Variants in RBFOX1 observed in about 807,000 individuals in gnomAD.
RBFOX1 encodes RNA binding fox-1 homolog 1, also known as RNA binding protein fox-1 homolog 1.
Under a neutral mutation model 57.7 loss-of-function variants are expected in RBFOX1, and 8 were observed. The observed-to-expected ratio is 0.14, with a 90% CI of 0.08 to 0.25. RBFOX1 has a LOEUF of 0.25. Ranked by LOEUF, RBFOX1 falls within the 10% of genes least tolerant of loss-of-function variation. The probability of loss-of-function intolerance (pLI) is 1.00; values close to 1 mark genes in which losing one functional copy is unlikely to be tolerated. For missense variants in RBFOX1, 611 were observed against 548.5 expected, an observed-to-expected ratio of 1.11 and a Z score of -1.14; for synonymous variants, 326 against 222.4, an observed-to-expected ratio of 1.47 and a Z score of -4.15.
At chr16:7,607,387 G>T (rs1243901098) in intron 10 of RBFOX1, 49 bp downstream of exon 10, 2 of 1,518,720 alleles carry the variant, frequency 1.3e-6, no homozygotes, top group Middle Eastern at 1.7e-4. Flanking sequence ...TTCTAAATGT[G>T]CTTTGCCTGC....
chr16:7,314,658 G>A (rs1284046877), intron 4 of RBFOX1, among the ~76,000 whole-genome samples: 2 of 152,040 alleles, frequency 1.3e-5, no homozygotes, highest in African/African-American at 4.8e-5. Context: ...GTGAAAATGG[G>A]CTGACACTCT....
chr16:7,437,160 GTTTT>G (rs2098728612), intron 4 of RBFOX1, among the ~76,000 whole-genome samples: 1 of 151,786 alleles, frequency 6.6e-6, no homozygotes, highest in African/African-American at 2.4e-5. Flanking sequence ...CGTTTAATCT[GTTTT>G]ATGATACTGT....
intron 9 of RBFOX1, among the ~76,000 whole-genome samples, chr16:7,597,804 C>T (rs538522183): frequency 9.9e-5 from 15 of 152,272 alleles, no homozygotes; most frequent in Admixed American, 4.6e-4. Context: ...CTAATCATTC[C>T]TGGACGTGCA....
intron 1 of RBFOX1, 42 bp downstream of exon 1, chr16:6,020,034 C>T (rs1191871262): frequency 6.9e-7 from 1 of 1,446,934 alleles, no homozygotes; most frequent in Non-Finnish European, 9.2e-7. Flanking sequence ...CCACCCTGAC[C>T]TGGTGGGTCA....
intron 2 of RBFOX1, among the ~76,000 whole-genome samples, chr16:6,481,989 G>A (rs2095378444): frequency 6.6e-6 from 1 of 152,106 alleles, no homozygotes; most frequent in Non-Finnish European, 1.5e-5. Flanking sequence ...TAAGGAATTG[G>A]CATGTTAAAA....
At chr16:5,657,931 C>G (rs1318851338) in intron 3 of RBFOX1, among the ~76,000 whole-genome samples, 1 of 151,816 alleles carries the variant, frequency 6.6e-6, no homozygotes, top group African/African-American at 2.4e-5. Flanking sequence ...GAGGTTTCGC[C>G]ACCTTGGCCA....
In RBFOX1 at chr16:7,653,917, C is replaced by T. The variant is rs757092123; in HGVS notation, c.860C>T (p.Ala287Val). ...RTVYNTFRAA[A>V]PPPPIPAYGG... ...GTGTACAACACCTTCAGGGCCGCGG[C>T]GCCCCCGCCCCCGATCCCGGCCTAC... The change falls in exon 12 of 16, where the codon GCG (alanine) becomes GTG (valine). Residue 287 changes from alanine (A) to valine (V), a missense_variant. Around this residue, in one of 3 missense-constraint regions of RBFOX1, gnomAD observed 267 missense variants for 229.1 expected, o/e 1.17. Coordinates refer to ENST00000550418, the MANE Select transcript of RBFOX1 (RefSeq NM_018723.4). 1.1e-5 allele frequency: 17 copies of T among 1,562,100 alleles called. No individual in the cohort carries two copies. Among genetic ancestry groups the T allele is most frequent in the South Asian group, 5.8e-5 (5 of 86,422 alleles).
At chr16:7,227,262 C>G (rs1318452154) in intron 4 of RBFOX1, among the ~76,000 whole-genome samples, 1 of 150,146 alleles carries the variant, frequency 6.7e-6, no homozygotes, top group African/African-American at 2.4e-5. Flanking sequence ...TCTGTTCTCA[C>G]TGTCACATAC....
intron 2 of RBFOX1, among the ~76,000 whole-genome samples, chr16:6,547,877 A>G (rs900931856): frequency 1.3e-5 from 2 of 152,126 alleles, no homozygotes; most frequent in African/African-American, 4.8e-5. Context: ...TTTAATTCAC[A>G]GTGTTTCTCA....
At position 7,073,855 on chromosome 16, in the gene RBFOX1, T is replaced by C. The variant is rs1250112352; in HGVS notation, c.27+21757T>C. ...CTGGGTGACAGAGCAAGGCATTGTC[T>C]CATAAAAATAACAAATAAATAAATA... On this transcript the variant is annotated intron_variant, in intron 4 of 15. Coordinates refer to ENST00000550418, the MANE Select transcript of RBFOX1 (RefSeq NM_018723.4). 2.6e-5 allele frequency among the ~76,000 whole-genome samples: 4 copies of C among 151,844 alleles called. No individual in the cohort carries two copies. The East Asian group carries it at 7.8e-4, about 29-fold the overall frequency.
At chr16:6,671,038 G>C (rs866060856) in intron 3 of RBFOX1, among the ~76,000 whole-genome samples, 2 of 152,152 alleles carry the variant, frequency 1.3e-5, no homozygotes, top group African/African-American at 2.4e-5. Flanking sequence ...TACTTGGTAT[G>C]TTGCAATTTG....
intron 1 of RBFOX1, among the ~76,000 whole-genome samples, chr16:5,301,463 C>T (rs1202190533): frequency 3.3e-5 from 5 of 151,854 alleles, no homozygotes; most frequent in African/African-American, 1.2e-4. Context: ...ACTAAAAACA[C>T]AAAAAATTAG....
Position 7,375,795 on chromosome 16 carries a change from G to A in RBFOX1, c.28-142352G>A, listed in dbSNP as rs1389684985. The stretch of plus-strand genomic sequence containing the variant: ...ACTCTCTCTCCCCCCATGCTTTAAT[G>A]AATAATTTTAATCTACTTTGTAATT... On this transcript the variant is annotated intron_variant, in intron 4 of 15. Transcript: ENST00000550418. Among the ~76,000 whole-genome samples the A allele has an allele frequency of 1.1e-4, 17 of 152,084 alleles. 2 individuals carry two copies. Among genetic ancestry groups the A allele is most frequent in the Admixed American group, 1.1e-3 (17 of 15,268 alleles).
chr16:7,623,350 C>T lies in RBFOX1; in HGVS notation c.677-7253C>T, dbSNP rs145406619. 3.2e-3 allele frequency among the ~76,000 whole-genome samples: 488 copies of T among 152,210 alleles called. 5 individuals are homozygous for T. The highest frequency in any genetic ancestry group is 0.011 in the African/African-American group (476 of 41,536). On this transcript the variant is annotated intron_variant, in intron 10 of 15. Transcript: ENST00000550418. Reference sequence around the variant, plus strand: ...TGTAATATATAATGAATTAATTATACAACTTGCCATAATGTAGAATCAGTG... The same window carrying T: ...TGTAATATATAATGAATTAATTATATAACTTGCCATAATGTAGAATCAGTG...
rs2093607530 is a variant in RBFOX1 at position 7,579,700 on chromosome 16, C to T, written c.271-77C>T. 1.9e-6 allele frequency: 3 copies of T among 1,553,670 alleles called. No individual in the cohort carries two copies. The South Asian group carries it at 3.4e-5, about 18-fold the overall frequency. On this transcript the variant is annotated intron_variant, in intron 5 of 15. Transcript: ENST00000550418. ...TTAGTTCTGATCTTTTCCTGCCACT[C>T]ATGGCAAGCAAAAGAGCATCGGAAG...
intron 3 of RBFOX1, among the ~76,000 whole-genome samples, chr16:6,734,669 A>G (rs1255397918): frequency 6.6e-6 from 1 of 152,162 alleles, no homozygotes; most frequent in Non-Finnish European, 1.5e-5. Context: ...CATTCTACAC[A>G]TATTTTATCT....
Position 7,153,173 on chromosome 16 carries a change from G to C in RBFOX1, c.27+101075G>C, listed in dbSNP as rs575835036. ...CTTTCCTCCTGTTATGAATCCGTCT[G>C]TGTCACTGGTGGACATAATCATTTT... On this transcript the variant is annotated intron_variant, in intron 4 of 15. Coordinates refer to ENST00000550418, the MANE Select transcript of RBFOX1 (RefSeq NM_018723.4). 6.8e-5 allele frequency among the ~76,000 whole-genome samples: 10 copies of C among 147,102 alleles called. No individual in the cohort carries two copies. The East Asian group carries it at 1.6e-3, about 24-fold the overall frequency.
intron 2 of RBFOX1, among the ~76,000 whole-genome samples, chr16:6,354,489 C>G (rs1053537722): frequency 9.2e-5 from 14 of 152,122 alleles, no homozygotes; most frequent in African/African-American, 2.7e-4. Flanking sequence ...GTTGATGTCC[C>G]TGACTGATAG....
intron 4 of RBFOX1, among the ~76,000 whole-genome samples, chr16:7,304,915 GGTGTGTGTGT>G (rs59599069): frequency 0.094 from 13,195 of 140,080 alleles, 798 homozygotes; most frequent in African/African-American, 0.17. Context: ...TGTGTGGTGT[GGTGTGTGTGT>G]GTGTGTGTGT....
Sources: gnomAD v4.1 joint callset for allele counts (sites outside exome capture counted in the v4.1 genomes callset) on GRCh38, gnomAD v4.1.1 for gene constraint, gnomAD v4.1.1 regional missense constraint, MANE v1.5 for transcripts, NCBI Gene and HGNC (gene_info 2026-07-23, HGNC 2026-07-21) for gene names.